CBLB: variants seen among roughly 807,000 people sequenced by gnomAD.
CBLB encodes Cbl proto-oncogene B, also known as E3 ubiquitin-protein ligase CBL-B.
Under a neutral mutation model 104.9 loss-of-function variants are expected in CBLB, and 31 were observed. That is an observed-to-expected ratio of 0.30 (90% confidence interval 0.22 to 0.40). The LOEUF (loss-of-function observed/expected upper bound fraction) is 0.40. Ranked by LOEUF, CBLB falls within the 10% of genes least tolerant of loss-of-function variation. The pLI is 1.00. For synonymous variants in CBLB, 440 were observed against 422.6 expected (o/e 1.04, Z -0.51); for missense variants, 1,062 against 1,214.6 (o/e 0.87, Z 1.87).
At position 105,656,843 on chromosome 3, in the gene CBLB, C is replaced by G. The variant is rs191452247; in HGVS notation, c.*2127G>C. 1.6e-3 allele frequency: 334 copies of G among 207,624 alleles called. 7 individuals are homozygous for G. The East Asian group carries it at 0.024, about 15-fold the overall frequency. The allele number at this position is 207,624 out of a possible 1,614,324, so 12.9% of individuals were successfully genotyped here. A position where few individuals can be genotyped will look rare whatever the true frequency, so the allele number is the denominator to read the frequency against. On this transcript the variant is annotated 3_prime_UTR_variant, in exon 19 of 19. Coordinates refer to ENST00000394030, the MANE Select transcript of CBLB (RefSeq NM_170662.5). ...TTAGACTGTACCTATCATCAGCAAT[C>G]ATAAAAAGGCCAAAATAAACAGTGC...
chr3:105,679,345 A>AC (rs2066031823), intron 16 of CBLB, among the ~76,000 whole-genome samples: 1 of 135,360 alleles, frequency 7.4e-6, no homozygotes, highest in African/African-American at 2.9e-5. Context: ...TTAAAAAAAA[A>AC]AAAAAAAAAA....
In CBLB at chr3:105,681,946, A is replaced by T. The variant is rs1167027485; in HGVS notation, c.2202-128T>A. On this transcript the variant is annotated intron_variant, in intron 14 of 18. Coordinates refer to ENST00000394030, the MANE Select transcript of CBLB (RefSeq NM_170662.5). ...TTGAACATATATTTTTCTTTTCTCA[A>T]AATTACCAGTAATAACATCAAGATA... The T allele has an allele frequency of 6.1e-6, 4 of 654,794 alleles. No individual in the cohort carries two copies. In the Admixed American group the frequency reaches 1.0e-4, roughly 17 times the overall value. The allele number at this position is 654,794 out of a possible 1,614,324, so 40.6% of individuals were successfully genotyped here. A position where few individuals can be genotyped will look rare whatever the true frequency, so the allele number is the denominator to read the frequency against.
At position 105,834,484 on chromosome 3, in the gene CBLB, G is replaced by A. The variant is rs140675200; in HGVS notation, c.419+18930C>T. 4.1e-3 allele frequency among the ~76,000 whole-genome samples: 623 copies of A among 152,068 alleles called. 17 individuals are homozygous for A. The highest frequency in any genetic ancestry group is 1.9e-3 in the East Asian group (10 of 5,160). On this transcript the variant is annotated intron_variant, in intron 3 of 18. Coordinates refer to ENST00000394030, the MANE Select transcript of CBLB (RefSeq NM_170662.5). ...ATCCTGGCTAACACGGTGAAACCCCGTCTCTACTAAAAATACAAAAAATTA... is the reference window on the plus strand; with the variant it reads ...ATCCTGGCTAACACGGTGAAACCCCATCTCTACTAAAAATACAAAAAATTA...
chr3:105,689,747 T>C (rs2067440326), intron 13 of CBLB, among the ~76,000 whole-genome samples: 1 of 151,734 alleles, frequency 6.6e-6, no homozygotes, highest in Admixed American at 6.6e-5. Context: ...GTAAAAAGAA[T>C]CCACATAGGA....
chr3:105,780,648 G>GTTTTTTTTTTT (rs1553788866), intron 3 of CBLB, among the ~76,000 whole-genome samples: 1 of 105,054 alleles, frequency 9.5e-6, no homozygotes, highest in East Asian at 2.7e-4. Flanking sequence ...TACAATAAAA[G>GTTTTTTTTTTT]TTTTGTTTTT....
chr3:105,800,576 C>G (rs1462602627), intron 3 of CBLB, among the ~76,000 whole-genome samples: 3 of 152,074 alleles, frequency 2.0e-5, no homozygotes, highest in Non-Finnish European at 4.4e-5. Flanking sequence ...GAACAACTAG[C>G]CTTAGACTTA....
chr3:105,733,154 G>A (rs1305690977), intron 9 of CBLB, among the ~76,000 whole-genome samples: 2 of 151,936 alleles, frequency 1.3e-5, no homozygotes, highest in African/African-American at 4.8e-5. Flanking sequence ...TCAGGAGATC[G>A]AGACCATCCT....
At chr3:105,730,003 T>C (rs1406533122) in intron 9 of CBLB, among the ~76,000 whole-genome samples, 4 of 152,102 alleles carry the variant, frequency 2.6e-5, no homozygotes, top group African/African-American at 7.2e-5. Context: ...TGTTCAAAAG[T>C]TGAAACTTCC....
At chr3:105,754,259 T>C (rs1347940436) in intron 4 of CBLB, among the ~76,000 whole-genome samples, 2 of 152,044 alleles carry the variant, frequency 1.3e-5, no homozygotes, top group African/African-American at 2.4e-5. Context: ...ACTAAGGCTC[T>C]AAACTTTCTT....
chr3:105,759,631 C>G (rs998230759), intron 4 of CBLB, among the ~76,000 whole-genome samples: 1 of 152,212 alleles, frequency 6.6e-6, no homozygotes, highest in Non-Finnish European at 1.5e-5. Context: ...TGTGTGCACA[C>G]CCAGCCAGGT....
chr3:105,813,702 G>A (rs567787055), intron 3 of CBLB, among the ~76,000 whole-genome samples: 16 of 152,188 alleles, frequency 1.1e-4, no homozygotes, highest in African/African-American at 3.6e-4. Flanking sequence ...TTTTTGTGAT[G>A]AAAGTATTAC....
chr3:105,670,239 A>G lies in CBLB; in HGVS notation c.2683T>C (p.Cys895Arg). 5.0e-6 allele frequency: 8 copies of G among 1,613,310 alleles called. No individual in the cohort carries two copies. Among genetic ancestry groups the G allele is most frequent in the Non-Finnish European group, 6.8e-6 (8 of 1,179,382 alleles). ...TSQDYDQLPS[C>R]SDGSQAPARP... ...CTGTTACTAGCCAACTCACCTGAAC[A>G]TGAAGGAAGCTGATCATAGTCCTGT... is the stretch of plus-strand genomic sequence containing the variant. Residue 895 changes from cysteine to arginine, a missense_variant, in exon 18 of 19, where the codon TGT (cysteine) becomes CGT (arginine). By Grantham distance (180) the Cys-to-Arg change is radical (BLOSUM62 -3). Coordinates refer to ENST00000394030, the MANE Select transcript of CBLB (RefSeq NM_170662.5).
chr3:105,736,093 T>TA (rs915897985), intron 8 of CBLB, among the ~76,000 whole-genome samples: 1 of 152,154 alleles, frequency 6.6e-6, no homozygotes, highest in Admixed American at 6.5e-5. Context: ...TCTACTGTCT[T>TA]AAAAAAAGCT....
At chr3:105,680,913 T>C (rs982628833) in intron 16 of CBLB, 29 of 157,940 alleles carry the variant, frequency 1.8e-4, no homozygotes, top group African/African-American at 7.0e-4. Context: ...CACCTACATA[T>C]ACCTTCACCT....
chr3:105,826,679 G>A (rs1156667123), intron 3 of CBLB, among the ~76,000 whole-genome samples: 3 of 152,100 alleles, frequency 2.0e-5, no homozygotes, highest in African/African-American at 7.2e-5. Flanking sequence ...ACCTGCTGCT[G>A]GGGTCAGAAG....
chr3:105,754,531 G>C (rs57873601), intron 4 of CBLB, among the ~76,000 whole-genome samples: 7,359 of 125,472 alleles, frequency 0.059, 179 homozygotes, highest in East Asian at 0.19. Context: ...GACAGAGAGA[G>C]AGAGAGAGAG....
intron 2 of CBLB, among the ~76,000 whole-genome samples, chr3:105,858,173 T>A (rs2091789783): frequency 6.6e-6 from 1 of 152,134 alleles, no homozygotes; most frequent in South Asian, 2.1e-4. Context: ...CTTGGGAAAG[T>A]GCAACATACA....
chr3:105,822,914 A>G lies in CBLB; in HGVS notation c.419+30500T>C, dbSNP rs571127662. On this transcript the variant is annotated intron_variant, in intron 3 of 18. Coordinates refer to ENST00000394030, the MANE Select transcript of CBLB (RefSeq NM_170662.5). ...CAGAATAGCATAGATTAGGCTCTCA[A>G]GCCTTGCCCTTCTCACAATACACCC... Among the ~76,000 whole-genome samples the G allele has an allele frequency of 4.6e-5, 7 of 152,290 alleles. No individual in the cohort carries two copies. In the South Asian group the frequency reaches 1.4e-3, roughly 32 times the overall value.
Position 105,776,550 on chromosome 3 carries a change from CACAAGG to C in CBLB, c.420-14_420-9del. On this transcript the variant is annotated splice_polypyrimidine_tract_variant and intron_variant, in intron 3 of 18. Coordinates refer to ENST00000394030, the MANE Select transcript of CBLB (RefSeq NM_170662.5). ...AGTTTTGTGAGATTTCGTCTGTAGG[CACAAGG>C]GAAAAAAATGAAGATAAGAAATAAA... 6.2e-7 allele frequency: 1 copy of C among 1,612,872 alleles called. No homozygotes were observed.
Sources: gnomAD v4.1 joint callset for allele counts (sites outside exome capture counted in the v4.1 genomes callset) on GRCh38, gnomAD v4.1.1 for gene constraint, MANE v1.5 for transcripts, NCBI Gene and HGNC (gene_info 2026-07-23, HGNC 2026-07-21) for gene names.